Variants in SNX30 observed in about 807,000 individuals in gnomAD.
SNX30 encodes sorting nexin family member 30.
In SNX30, 24 loss-of-function variants were observed where a neutral mutation model predicts 46.4. The observed-to-expected ratio is 0.52, with a 90% CI of 0.37 to 0.73. SNX30 has a LOEUF of 0.73. SNX30 is among the 30% of genes least tolerant of loss of function. The pLI is 0.00. For synonymous variants in SNX30, 189 were observed against 211.5 expected, an observed-to-expected ratio of 0.89 and a Z score of 0.92; for missense variants, 533 against 555.7, an observed-to-expected ratio of 0.96 and a Z score of 0.41.
rs73656443 is a variant in SNX30 at position 112,762,135 on chromosome 9, C to G, written c.156+10978C>G. ...TTTGTTTACTAGACATTAGAGGACT[C>G]ATATGCTGTCTTATGTCTGCCTTGC... On this transcript the variant is annotated intron_variant, in intron 1 of 8. Transcript: ENST00000374232. 3.1e-3 allele frequency among the ~76,000 whole-genome samples: 469 copies of G among 152,290 alleles called. 3 individuals are homozygous for G. Among genetic ancestry groups the G allele is most frequent in the African/African-American group, 0.011 (440 of 41,560 alleles).
At position 112,870,115 on chromosome 9, in the gene SNX30, A is replaced by T. The variant is rs1224849309; in HGVS notation, c.*1272A>T. The stretch of plus-strand genomic sequence containing the variant: ...ACAGGCTGCATTTCAGACAATGACC[A>T]GGTTTACTTTTCAGATCACAAAGCA... On this transcript the variant is annotated 3_prime_UTR_variant, in exon 9 of 9. Coordinates refer to ENST00000374232, the MANE Select transcript of SNX30 (RefSeq NM_001012994.2). The T allele has an allele frequency of 2.0e-5, 3 of 152,066 alleles. No homozygotes were observed. The highest frequency in any genetic ancestry group is 7.2e-5 in the African/African-American group (3 of 41,412). The allele number at this position is 152,066 out of a possible 1,614,324, so 9.4% of individuals were successfully genotyped here.
At chr9:112,768,170 C>T (rs1289996101) in intron 1 of SNX30, among the ~76,000 whole-genome samples, 2 of 152,206 alleles carry the variant, frequency 1.3e-5, no homozygotes, top group Non-Finnish European at 2.9e-5. Flanking sequence ...ACCTGTTTAC[C>T]TCCCTGGTGC....
downstream of SNX30, among the ~76,000 whole-genome samples, chr9:112,882,679 T>G (rs1417108928): frequency 6.6e-6 from 1 of 151,802 alleles, no homozygotes; most frequent in Non-Finnish European, 1.5e-5. Context: ...TAGGCCTGAT[T>G]GATTGGAGGT....
At chr9:112,823,829 T>TGG (rs1208147382) in intron 3 of SNX30, among the ~76,000 whole-genome samples, 1 of 152,232 alleles carries the variant, frequency 6.6e-6, no homozygotes, top group African/African-American at 2.4e-5. Context: ...GATAAGTTAA[T>TGG]AAGTATTGAA....
chr9:112,835,133 A>T (rs762297569), intron 4 of SNX30, among the ~76,000 whole-genome samples: 1 of 152,100 alleles, frequency 6.6e-6, no homozygotes, highest in South Asian at 2.1e-4. Flanking sequence ...ATCTCCCTCT[A>T]GTTATACCCT....
At chr9:112,865,661 A>ATATATATATATATATGTGTGTG in intron 8 of SNX30, among the ~76,000 whole-genome samples, 8 of 105,680 alleles carry the variant, frequency 7.6e-5, no homozygotes, top group African/African-American at 2.7e-4. Context: ...ATATATATAT[A>ATATATATATATATATGTGTGTG]TGTATGTATG....
rs1252427407 is a variant in SNX30, at chr9:112,768,654, T to C, written c.156+17497T>C. Among the ~76,000 whole-genome samples, 452 of 132,858 alleles carry C rather than the reference T, an allele frequency of 3.4e-3. 28 individuals are homozygous for C. The highest frequency in any genetic ancestry group is 9.9e-3 in the East Asian group (45 of 4,524). The allele number at this position is 132,858 out of a possible 152,430, so 87.2% of individuals were successfully genotyped here. ...TCTAGATAATTCTTTCTTCTTTTTT[T>C]TTTTTTTTTTTTTTTTTTTTTGAGA... On this transcript the variant is annotated intron_variant, in intron 1 of 8. Coordinates refer to ENST00000374232, the MANE Select transcript of SNX30 (RefSeq NM_001012994.2).
At chr9:112,879,936 G>A (rs896897404), downstream of SNX30, 2 of 891,306 alleles carry the variant, frequency 2.2e-6, no homozygotes, top group Non-Finnish European at 3.7e-6. Context: ...ATCATAGGTA[G>A]GCATTGACCA....
intron 1 of SNX30, among the ~76,000 whole-genome samples, chr9:112,789,003 C>G (rs1451084015): frequency 6.6e-6 from 1 of 152,106 alleles, no homozygotes; most frequent in African/African-American, 2.4e-5. Flanking sequence ...ACTATGTTGC[C>G]CAGGCTGGTC....
chr9:112,882,995 T>C (rs1187621444), downstream of SNX30, among the ~76,000 whole-genome samples: 1 of 152,084 alleles, frequency 6.6e-6, no homozygotes, highest in Non-Finnish European at 1.5e-5. Flanking sequence ...GTGACAAATA[T>C]CTCCTGAGGA....
intron 1 of SNX30, among the ~76,000 whole-genome samples, chr9:112,780,309 C>G (rs1433728404): frequency 2.6e-5 from 4 of 152,174 alleles, no homozygotes; most frequent in African/African-American, 9.7e-5. Flanking sequence ...GAGATTGTTT[C>G]CTTCAACATT....
intron 7 of SNX30, among the ~76,000 whole-genome samples, chr9:112,861,404 C>T (rs1292045119): frequency 6.6e-6 from 1 of 152,182 alleles, no homozygotes; most frequent in East Asian, 1.9e-4. Context: ...TGTCTGGCCT[C>T]ATGACAGCCT....
At chr9:112,766,379 T>A (rs1839537244) in intron 1 of SNX30, among the ~76,000 whole-genome samples, 3 of 152,140 alleles carry the variant, frequency 2.0e-5, no homozygotes, top group Admixed American at 2.0e-4. Flanking sequence ...AGAAAAGACA[T>A]TAAATACAAT....
Position 112,751,076 on chromosome 9 carries a change from C to A in SNX30, c.75C>A (p.Ala25=). Residue 25 remains alanine (A), a synonymous_variant, in exon 1 of 9, where the codon GCC becomes GCA. Transcript: ENST00000374232. ...TGCGCGACATGCCGCACCCGCTGGC[C>A]GGCTCCAGCAGCGAGGAGGCCGTGG... ...HSLRDMPHPL[A]GSSSEEAVGG... The A allele has an allele frequency of 1.3e-6, 2 of 1,505,026 alleles. No individual in the cohort carries two copies. The highest frequency in any genetic ancestry group is 5.4e-5 in the East Asian group (2 of 37,314). 93.2% of individuals were successfully genotyped at this position (1,505,026 alleles called of 1,614,324 possible). A position where few individuals can be genotyped will look rare whatever the true frequency, so the allele number is the denominator to read the frequency against.
chr9:112,859,477 G>A (rs1841193356), intron 7 of SNX30, among the ~76,000 whole-genome samples: 1 of 152,108 alleles, frequency 6.6e-6, no homozygotes, highest in African/African-American at 2.4e-5. Context: ...ACTCAGAAGT[G>A]GAATCCAGCA....
chr9:112,808,288 T>C (rs1469796182), intron 2 of SNX30, among the ~76,000 whole-genome samples: 1 of 152,252 alleles, frequency 6.6e-6, no homozygotes, highest in South Asian at 2.1e-4. Context: ...GCTTTGATGC[T>C]CTAGTCCTAA....
chr9:112,838,489 C>T lies in SNX30; in HGVS notation c.815-9C>T. ...GCCAGATTTTAATTAGTTTCTGTTC[C>T]CTGTTCAGAGTACCTTGTGGAGCTG... On this transcript the variant is annotated splice_polypyrimidine_tract_variant and intron_variant, in intron 5 of 8. Coordinates refer to ENST00000374232, the MANE Select transcript of SNX30 (RefSeq NM_001012994.2). 2.5e-6 allele frequency: 4 copies of T among 1,599,906 alleles called. No homozygotes were observed. Among genetic ancestry groups the T allele is most frequent in the East Asian group, 2.2e-5 (1 of 44,578 alleles).
At chr9:112,866,322 A>G (rs1309457399) in intron 8 of SNX30, among the ~76,000 whole-genome samples, 2 of 152,152 alleles carry the variant, frequency 1.3e-5, no homozygotes, top group African/African-American at 4.8e-5. Context: ...GTCTGAGGAA[A>G]TGACATTTCA....
chr9:112,770,767 G>A (rs1016880363), intron 1 of SNX30, among the ~76,000 whole-genome samples: 2 of 152,104 alleles, frequency 1.3e-5, no homozygotes, highest in Admixed American at 1.3e-4. Context: ...GGAGGCCGAG[G>A]CAGGCGGATC....
Sources: gnomAD v4.1 joint callset for allele counts (sites outside exome capture counted in the v4.1 genomes callset) on GRCh38, gnomAD v4.1.1 for gene constraint, MANE v1.5 for transcripts, NCBI Gene and HGNC (gene_info 2026-07-23, HGNC 2026-07-21) for gene names.